The following FYB1 variants were observed in gnomAD, a reference collection of about 807,000 sequenced individuals.
FYB1 encodes FYN binding protein 1.
A neutral mutation model predicts 94.1 loss-of-function variants in FYB1; 41 were observed. The observed-to-expected ratio is 0.44, with a 90% CI of 0.34 to 0.57. FYB1 has a LOEUF of 0.57. FYB1 is among the 20% of genes least tolerant of loss of function. The pLI is 0.02. For missense variants in FYB1, 1,050 were observed against 976.8 expected, an observed-to-expected ratio of 1.07 and a Z score of -1.00; for synonymous variants, 367 against 353.2, an observed-to-expected ratio of 1.04 and a Z score of -0.44.
At chr5:39,170,440 G>A (rs1304812147) in intron 2 of FYB1, 2 of 400,414 alleles carry the variant, frequency 5.0e-6, no homozygotes, top group Non-Finnish European at 9.2e-6. Context: ...GACCTGGAGG[G>A]GGCCCAGGCT....
Position 39,146,424 on chromosome 5 carries a change from A to T in FYB1, c.1293-5283T>A, listed in dbSNP as rs76691573. On this transcript the variant is annotated intron_variant, in intron 3 of 18. Transcript: ENST00000512982. ...AAACACCTTAAGGAAAGGGATTGTC[A>T]CTTTGCTAGTTAATTTATTATTATG... 2.9e-3 allele frequency among the ~76,000 whole-genome samples: 440 copies of T among 152,240 alleles called. 2 individuals are homozygous for T. The highest frequency in any genetic ancestry group is 0.01 in the African/African-American group (432 of 41,538).
chr5:39,233,600 T>C (rs1354254746), intron 1 of FYB1, among the ~76,000 whole-genome samples: 1 of 152,196 alleles, frequency 6.6e-6, no homozygotes, highest in African/African-American at 2.4e-5. Context: ...AAAACTTCTA[T>C]GAAAAATATA....
In FYB1 at chr5:39,106,670, G is replaced by C. The variant is rs1399932672; in HGVS notation, c.*773C>G. ...CATTCTTCCATTCCTCATGATTTTAGGGTTATCCTCATTCAGATCTACTCT... is the reference window on the plus strand; with the variant it reads ...CATTCTTCCATTCCTCATGATTTTACGGTTATCCTCATTCAGATCTACTCT... On this transcript the variant is annotated 3_prime_UTR_variant, in exon 19 of 19. Transcript: ENST00000512982. 6.6e-6 allele frequency: 1 copy of C among 151,782 alleles called. No homozygotes were observed. Among genetic ancestry groups the C allele is most frequent in the Non-Finnish European group, 1.5e-5 (1 of 67,844 alleles). The allele number at this position is 151,782 out of a possible 1,614,324, so 9.4% of individuals were successfully genotyped here. A position where few individuals can be genotyped will look rare whatever the true frequency, so the allele number is the denominator to read the frequency against.
chr5:39,164,645 C>A (rs1347448837), intron 2 of FYB1, among the ~76,000 whole-genome samples: 1 of 152,132 alleles, frequency 6.6e-6, no homozygotes, highest in Non-Finnish European at 1.5e-5. Flanking sequence ...GAACTCCTGA[C>A]CTCACGTGAA....
chr5:39,210,313 C>T lies in FYB1; in HGVS notation c.-27-7326G>A, dbSNP rs188049179. On this transcript the variant is annotated intron_variant, in intron 1 of 18. Transcript: ENST00000512982. The stretch of plus-strand genomic sequence containing the variant: ...GTGTGCCCCGCCAGGTCCCCTCGGA[C>T]CTTGGCAGAAAAACCACCACAGATA... Among the ~76,000 whole-genome samples, 5 of 152,340 alleles carry T rather than the reference C, an allele frequency of 3.3e-5. No homozygotes were observed. The South Asian group carries it at 6.2e-4, about 19-fold the overall frequency.
intron 16 of FYB1, among the ~76,000 whole-genome samples, chr5:39,117,833 C>T (rs768887791): frequency 3.9e-5 from 6 of 152,024 alleles, no homozygotes; most frequent in Non-Finnish European, 5.9e-5. Flanking sequence ...GATTTAAATA[C>T]GCTTTCTTTT....
chr5:39,236,285 G>A (rs1661860), intron 1 of FYB1, among the ~76,000 whole-genome samples: 24,285 of 151,810 alleles, frequency 0.16, 5,127 homozygotes, highest in African/African-American at 0.47. Flanking sequence ...AGTATGTCTT[G>A]GAAAACCTGC....
In FYB1 at chr5:39,212,527, C is replaced by A. The variant is rs114622010; in HGVS notation, c.-28+6916G>T. The stretch of plus-strand genomic sequence containing the variant: ...CTCAACCCTCCCCCTTGTTCCCATT[C>A]CATTTCTTCTCCTTTAGAGCTTTGA... On this transcript the variant is annotated intron_variant, in intron 1 of 18. Coordinates refer to ENST00000512982, the MANE Select transcript of FYB1 (RefSeq NM_001465.6). 5.3e-3 allele frequency among the ~76,000 whole-genome samples: 802 copies of A among 152,212 alleles called. 7 individuals carry two copies. The highest frequency in any genetic ancestry group is 0.018 in the African/African-American group (757 of 41,546).
At chr5:39,205,888 TG>T (rs1316138709) in intron 1 of FYB1, among the ~76,000 whole-genome samples, 4 of 152,218 alleles carry the variant, frequency 2.6e-5, no homozygotes, top group Non-Finnish European at 4.4e-5. Context: ...ACAGGGTTTT[TG>T]TTTTAAAATA....
chr5:39,110,163 A>G (rs1454854859), intron 17 of FYB1, among the ~76,000 whole-genome samples, 193 bp downstream of exon 17: 4 of 152,146 alleles, frequency 2.6e-5, no homozygotes, highest in Admixed American at 2.6e-4. Flanking sequence ...CGCCTATTTA[A>G]AAGAGTAGCA....
intron 1 of FYB1, among the ~76,000 whole-genome samples, chr5:39,256,267 T>C (rs1751937358): frequency 6.6e-6 from 1 of 152,168 alleles, no homozygotes; most frequent in Non-Finnish European, 1.5e-5. Flanking sequence ...TTCACAGTGA[T>C]CAAAAGGGAG....
chr5:39,110,217 C>T (rs181877874), intron 17 of FYB1, 139 bp downstream of exon 17: 403 of 515,806 alleles, frequency 7.8e-4, no homozygotes, highest in African/African-American at 6.8e-3. Flanking sequence ...AACATGTTAA[C>T]GTTAGTATAG....
intron 1 of FYB1, among the ~76,000 whole-genome samples, chr5:39,273,018 G>C (rs1377248129): frequency 6.6e-6 from 1 of 152,214 alleles, no homozygotes; most frequent in Non-Finnish European, 1.5e-5. Flanking sequence ...GTCCAGGAGG[G>C]AGGTGGGGGG....
intron 10 of FYB1, among the ~76,000 whole-genome samples, chr5:39,128,266 T>C (rs1401366266): frequency 1.3e-5 from 2 of 152,128 alleles, no homozygotes; most frequent in Non-Finnish European, 2.9e-5. Context: ...GAAAAGTGAC[T>C]TTTAAAATAC....
intron 3 of FYB1, among the ~76,000 whole-genome samples, chr5:39,145,900 CT>C (rs60165889): frequency 0.17 from 24,096 of 144,754 alleles, 3,259 homozygotes; most frequent in East Asian, 0.41. Context: ...TCCTCCCATT[CT>C]TTTTTTTTTT....
intron 1 of FYB1, among the ~76,000 whole-genome samples, chr5:39,237,196 G>T (rs1362926639): frequency 1.3e-5 from 2 of 152,074 alleles, no homozygotes; most frequent in African/African-American, 2.4e-5. Flanking sequence ...AAAAACAACA[G>T]TTAGGTAGAT....
rs116082488 is a variant in FYB1 at position 39,241,939 on chromosome 5, T to C, written c.-28+32464A>G. On this transcript the variant is annotated intron_variant, in intron 1 of 1. Coordinates refer to the FYB1 transcript ENST00000510188. ...ACTTACATTAGAGCTGAAAAGGAAG[T>C]TTTATTAGGCCAAAGATGTTGCATT... Among the ~76,000 whole-genome samples the C allele has an allele frequency of 5.9e-3, 894 of 152,218 alleles. 14 individuals are homozygous for C. Among genetic ancestry groups the C allele is most frequent in the African/African-American group, 0.021 (865 of 41,524 alleles).
intron 2 of FYB1, among the ~76,000 whole-genome samples, chr5:39,165,526 G>T (rs547953911): frequency 1.3e-5 from 2 of 152,290 alleles, no homozygotes; most frequent in Admixed American, 1.3e-4. Flanking sequence ...AAGATCTGAA[G>T]CTATAAAAAT....
At chr5:39,235,063 A>G (rs1750902519) in intron 1 of FYB1, among the ~76,000 whole-genome samples, 1 of 112,708 alleles carries the variant, frequency 8.9e-6, no homozygotes, top group Admixed American at 8.4e-5. Flanking sequence ...TAATAATAAT[A>G]ATAATAATAA....
Sources: allele counts gnomAD v4.1 joint callset (sites outside exome capture counted in the v4.1 genomes callset), GRCh38; gene constraint gnomAD v4.1.1; transcripts MANE v1.5; gene names NCBI Gene and HGNC (gene_info 2026-07-23, HGNC 2026-07-21).